TMEM39B: variants seen among roughly 807,000 people sequenced by gnomAD.
TMEM39B encodes transmembrane protein 39B.
Under a neutral mutation model 52.2 loss-of-function variants are expected in TMEM39B, and 23 were observed. The ratio of observed to expected loss-of-function variants is 0.44; its 90% CI spans 0.32 to 0.62. The LOEUF is 0.62. TMEM39B is among the 20% of genes least tolerant of loss of function. The pLI is 0.06. For missense variants in TMEM39B, 547 were observed against 642.0 expected (o/e 0.85, Z 1.60); for synonymous variants, 285 against 264.0 (o/e 1.08, Z -0.77).
intron 7 of TMEM39B, among the ~76,000 whole-genome samples, chr1:32,096,568 T>G (rs2124494181): frequency 6.8e-6 from 1 of 148,034 alleles, no homozygotes; most frequent in East Asian, 2.1e-4. Flanking sequence ...CAAGCGATTC[T>G]CCTGCCTCGG....
intron 1 of TMEM39B, chr1:32,073,294 T>A: frequency 2.1e-6 from 1 of 484,708 alleles, no homozygotes; most frequent in Non-Finnish European, 3.3e-6. Context: ...TGGGCTTTCG[T>A]GAGGACCAGC....
Position 32,096,451 on chromosome 1 carries a change from C to CTTT in TMEM39B, c.1115+1504_1115+1506dup, listed in dbSNP as rs965499225. On this transcript the variant is annotated intron_variant, in intron 7 of 8. Coordinates refer to ENST00000336294, the MANE Select transcript of TMEM39B (RefSeq NM_018056.4). ...CTAGCACTCAGTTGTCTCCTCTGGCCTTTTTTTTTTTTTTTTTTTTTTTTT... is the reference window on the plus strand; with the variant it reads ...CTAGCACTCAGTTGTCTCCTCTGGCCTTTTTTTTTTTTTTTTTTTTTTTTTTTT... Among the ~76,000 whole-genome samples, 104 of 105,024 alleles carry CTTT rather than the reference C, an allele frequency of 9.9e-4. 14 individuals are homozygous for CTTT. The highest frequency in any genetic ancestry group is 4.0e-3 in the African/African-American group (94 of 23,548). The allele number at this position is 105,024 out of a possible 152,430, so 68.9% of individuals were successfully genotyped here.
intron 5 of TMEM39B, among the ~76,000 whole-genome samples, chr1:32,085,255 T>C (rs941182819): frequency 1.3e-5 from 2 of 152,152 alleles, no homozygotes; most frequent in African/African-American, 4.8e-5. Flanking sequence ...CCTCATAGAT[T>C]GGTCATCTTT....
chr1:32,089,209 T>A (rs1425531451), intron 5 of TMEM39B, among the ~76,000 whole-genome samples: 1 of 149,414 alleles, frequency 6.7e-6, no homozygotes, highest in African/African-American at 2.5e-5. Flanking sequence ...TGATCTCAGC[T>A]CATTGCAGCC....
intron 5 of TMEM39B, among the ~76,000 whole-genome samples, chr1:32,079,088 G>A (rs1383109643): frequency 2.0e-5 from 3 of 151,844 alleles, no homozygotes; most frequent in Admixed American, 2.0e-4. Flanking sequence ...TAGAGATGAG[G>A]GTCTTGCTGT....
At chr1:32,073,806 G>A (rs1451793572) in intron 1 of TMEM39B, 1 of 985,288 alleles carries the variant, frequency 1.0e-6, no homozygotes, top group Non-Finnish European at 1.2e-6. Flanking sequence ...TGTGGGAAAC[G>A]CTTCCGAGCT....
chr1:32,072,523 G>C (rs1004408274), upstream of TMEM39B: 1 of 155,926 alleles, frequency 6.4e-6, no homozygotes, highest in African/African-American at 2.4e-5. Context: ...ATCGGATGTG[G>C]GGGCCGAGGG....
chr1:32,089,131 A>ATTTTTTTTTTTTTTTTTTTTTTTTT (rs746806785), intron 5 of TMEM39B, among the ~76,000 whole-genome samples: 1 of 130,206 alleles, frequency 7.7e-6, no homozygotes, highest in Non-Finnish European at 1.6e-5. Flanking sequence ...AGAGCTGGGA[A>ATTTTTTTTTTTTTTTTTTTTTTTTT]TTTTTTTTTT....
chr1:32,099,361 A>G (rs1640933559), intron 7 of TMEM39B, among the ~76,000 whole-genome samples: 1 of 152,124 alleles, frequency 6.6e-6, no homozygotes, highest in Non-Finnish European at 1.5e-5. Context: ...AGAAATACCT[A>G]ATGTAAATGA....
chr1:32,075,850 G>T, intron 3 of TMEM39B, 28 bp downstream of exon 3: 1 of 1,356,816 alleles, frequency 7.4e-7, no homozygotes, highest in Middle Eastern at 2.6e-4. Context: ...GTGTGTGTGT[G>T]TGTGTGTGTG....
At chr1:32,091,368 T>C (rs932085989) in intron 5 of TMEM39B, among the ~76,000 whole-genome samples, 2 of 152,214 alleles carry the variant, frequency 1.3e-5, no homozygotes, top group Non-Finnish European at 2.9e-5. Flanking sequence ...GCCCAGCGAA[T>C]GTGGGCTGTT....
chr1:32,100,156 G>T, intron 7 of TMEM39B, among the ~76,000 whole-genome samples: 1 of 152,176 alleles, frequency 6.6e-6, no homozygotes, highest in East Asian at 1.9e-4. Context: ...GAGGCAAGAG[G>T]TGAGACCAGA....
intron 5 of TMEM39B, among the ~76,000 whole-genome samples, chr1:32,088,289 C>T (rs1393616227): frequency 2.7e-5 from 4 of 149,754 alleles, no homozygotes; most frequent in East Asian, 2.0e-4. Flanking sequence ...TAGTGGCGGG[C>T]GCCTGTAGTC....
At chr1:32,084,147 A>G (rs1423971295) in intron 5 of TMEM39B, among the ~76,000 whole-genome samples, 2 of 151,978 alleles carry the variant, frequency 1.3e-5, no homozygotes, top group Admixed American at 6.6e-5. Flanking sequence ...TGGACTTTCT[A>G]ATTGCCTTTC....
intron 2 of TMEM39B, among the ~76,000 whole-genome samples, chr1:32,075,312 A>G (rs1639808059): frequency 6.6e-6 from 1 of 152,210 alleles, no homozygotes; most frequent in Non-Finnish European, 1.5e-5. Flanking sequence ...GTTCTGCTCC[A>G]GATTTGCTGA....
intron 7 of TMEM39B, among the ~76,000 whole-genome samples, chr1:32,097,333 C>CTT (rs1033574033): frequency 1.2e-4 from 16 of 139,016 alleles, no homozygotes; most frequent in South Asian, 4.7e-4. Context: ...CCAACTTCTT[C>CTT]TTTTTTTTTT....
chr1:32,073,827 G>A, intron 1 of TMEM39B: 1 of 985,374 alleles, frequency 1.0e-6, no homozygotes, highest in Non-Finnish European at 1.2e-6. Flanking sequence ...GAGATGCTAC[G>A]GCGTGGGGTG....
At chr1:32,085,511 G>A (rs976273874) in intron 5 of TMEM39B, among the ~76,000 whole-genome samples, 9 of 152,124 alleles carry the variant, frequency 5.9e-5, no homozygotes, top group Non-Finnish European at 1.0e-4. Context: ...CCTGCACTTT[G>A]GGAGGCCAAG....
At chr1:32,084,555 T>A (rs980710310) in intron 5 of TMEM39B, among the ~76,000 whole-genome samples, 3 of 152,106 alleles carry the variant, frequency 2.0e-5, no homozygotes, top group Admixed American at 2.0e-4. Flanking sequence ...TTTGGCTGAA[T>A]GTAGATTTCT....
Sources: gnomAD v4.1 joint callset for allele counts (sites outside exome capture counted in the v4.1 genomes callset) on GRCh38, gnomAD v4.1.1 for gene constraint, MANE v1.5 for transcripts, NCBI Gene and HGNC (gene_info 2026-07-23, HGNC 2026-07-21) for gene names.